SENP7: variants seen among roughly 807,000 people sequenced by gnomAD.
SENP7 encodes the protein SUMO specific peptidase 7.
SENP7 carries 64 observed loss-of-function variants against 141.2 expected under a neutral mutation model. The ratio of observed to expected loss-of-function variants is 0.45; its 90% CI spans 0.37 to 0.56. The LOEUF (loss-of-function observed/expected upper bound fraction) is 0.56. Ranked by LOEUF, SENP7 falls within the 20% of genes least tolerant of loss-of-function variation. The pLI is 0.00. For missense variants in SENP7, 1,025 were observed against 1,212.2 expected, an observed-to-expected ratio of 0.85 and a Z score of 2.29; for synonymous variants, 382 against 426.4, an observed-to-expected ratio of 0.90 and a Z score of 1.28.
At chr3:101,389,320 T>C (rs1220833112) in intron 6 of SENP7, among the ~76,000 whole-genome samples, 3 of 152,102 alleles carry the variant, frequency 2.0e-5, no homozygotes, top group African/African-American at 7.2e-5. Context: ...CTCAAATAGA[T>C]ACAATACAAA....
At chr3:101,453,308 C>T (rs558071460) in intron 4 of SENP7, among the ~76,000 whole-genome samples, 52 of 152,146 alleles carry the variant, frequency 3.4e-4, no homozygotes, top group Non-Finnish European at 3.5e-4. Flanking sequence ...GTCAGTGTGG[C>T]GATTCCTCAG....
At chr3:101,462,221 G>A (rs547949771) in intron 3 of SENP7, among the ~76,000 whole-genome samples, 1 of 152,268 alleles carries the variant, frequency 6.6e-6, no homozygotes, top group South Asian at 2.1e-4. Flanking sequence ...AAAAGCATAT[G>A]ACTAAATCTC....
At chr3:101,413,987 A>G (rs1426656923) in intron 5 of SENP7, among the ~76,000 whole-genome samples, 1 of 152,196 alleles carries the variant, frequency 6.6e-6, no homozygotes, top group Admixed American at 6.5e-5. Context: ...GGCAAGTAAG[A>G]TCTGCCTTTT....
intron 9 of SENP7, 123 bp from the exon 10 acceptor site, chr3:101,365,114 T>C (rs969804176): frequency 1.0e-5 from 5 of 487,426 alleles, no homozygotes; most frequent in Middle Eastern, 5.8e-4. Flanking sequence ...GCAATTCTCC[T>C]ACCTCAGCCT....
intron 7 of SENP7, among the ~76,000 whole-genome samples, chr3:101,371,017 C>T (rs1317969953): frequency 3.9e-5 from 6 of 152,142 alleles, no homozygotes; most frequent in South Asian, 2.1e-4. Context: ...TGGCCAAGCG[C>T]GGTGGCTCTT....
chr3:101,443,978 T>C (rs570078318), intron 4 of SENP7, among the ~76,000 whole-genome samples: 47 of 149,928 alleles, frequency 3.1e-4, no homozygotes, highest in African/African-American at 1.1e-3. Context: ...GAGAAAATTT[T>C]TGCAACCTAC....
At chr3:101,427,490 CA>C (rs55677738) in intron 4 of SENP7, among the ~76,000 whole-genome samples, 7,534 of 100,964 alleles carry the variant, frequency 0.075, 208 homozygotes, top group Middle Eastern at 0.1. Context: ...ACACTGTCTC[CA>C]AAAAAAAAAA....
intron 3 of SENP7, among the ~76,000 whole-genome samples, chr3:101,459,276 T>G (rs2063469842): frequency 6.6e-6 from 1 of 152,194 alleles, no homozygotes; most frequent in African/African-American, 2.4e-5. Flanking sequence ...AAGGTAACTT[T>G]AATCAAAAAA....
intron 19 of SENP7, 42 bp from the exon 20 acceptor site, chr3:101,330,428 G>A (rs749400421): frequency 2.2e-6 from 3 of 1,344,398 alleles, no homozygotes; most frequent in Admixed American, 3.7e-5. Flanking sequence ...TTTATTGCAT[G>A]TTTTTATACA....
intron 4 of SENP7, among the ~76,000 whole-genome samples, chr3:101,456,769 ATATAAG>A (rs1471924463): frequency 2.0e-5 from 3 of 152,170 alleles, no homozygotes; most frequent in African/African-American, 7.2e-5. Context: ...GATTTAAATA[ATATAAG>A]TATTTTTTAA....
At chr3:101,331,255 G>A (rs2059041135) in intron 19 of SENP7, among the ~76,000 whole-genome samples, 1 of 151,952 alleles carries the variant, frequency 6.6e-6, no homozygotes, top group Admixed American at 6.6e-5. Flanking sequence ...TGCGGTGTGA[G>A]GACTGCTTGA....
Position 101,493,904 on chromosome 3 carries a change from C to T in SENP7, c.155G>A (p.Arg52Lys). Residue 52 changes from arginine to lysine, a missense_variant, in exon 3 of 24, where the codon AGA becomes AAA. Physicochemically the swap from Arg to Lys is conservative, Grantham distance 26. Around this residue, in one of 4 missense-constraint regions of SENP7, gnomAD observed 496 missense variants for 503.5 expected, o/e 0.99. Transcript: ENST00000394095. ...VHVQSPLSKFRSSERWTLPLQ... is the reference protein window; with the variant it reads ...VHVQSPLSKFKSSERWTLPLQ... ...AGGGAGAGTCCAGCGTTCTGAGCTT[C>T]TGAATTTGGACAGTGGTGATTGAAC... 2 of 1,609,302 alleles carry T rather than the reference C, an allele frequency of 1.2e-6. No homozygotes were observed. The highest frequency in any genetic ancestry group is 1.7e-6 in the Non-Finnish European group (2 of 1,176,582).
intron 13 of SENP7, among the ~76,000 whole-genome samples, chr3:101,344,490 T>C (rs1361985760): frequency 6.6e-6 from 1 of 152,166 alleles, no homozygotes; most frequent in Non-Finnish European, 1.5e-5. Context: ...ATTTGAAAGT[T>C]ATAAAATTTA....
intron 4 of SENP7, among the ~76,000 whole-genome samples, chr3:101,450,516 T>G (rs1006241071): frequency 1.3e-5 from 2 of 152,208 alleles, no homozygotes; most frequent in African/African-American, 4.8e-5. Context: ...AAACTGTCTC[T>G]CAGACCACAG....
intron 4 of SENP7, among the ~76,000 whole-genome samples, chr3:101,443,881 C>T (rs1215814702): frequency 1.3e-5 from 2 of 150,902 alleles, no homozygotes; most frequent in African/African-American, 4.9e-5. Flanking sequence ...ACAATCATGT[C>T]GTCTGCAAAC....
intron 3 of SENP7, among the ~76,000 whole-genome samples, chr3:101,481,225 A>C (rs1218403151): frequency 6.6e-6 from 1 of 152,202 alleles, no homozygotes; most frequent in Non-Finnish European, 1.5e-5. Flanking sequence ...GCAATGATAT[A>C]GAACCAACCA....
intron 12 of SENP7, 28 bp from the exon 13 acceptor site, chr3:101,348,079 A>C (rs2059516923): frequency 6.7e-7 from 1 of 1,499,762 alleles, no homozygotes; most frequent in Non-Finnish European, 9.0e-7. Flanking sequence ...CAACAATTTA[A>C]AAAATTAATC....
intron 9 of SENP7, among the ~76,000 whole-genome samples, chr3:101,366,081 A>T (rs928060079): frequency 3.9e-5 from 6 of 152,362 alleles, no homozygotes; most frequent in Non-Finnish European, 5.9e-5. Flanking sequence ...AATGAAAATT[A>T]ATGATAATAA....
intron 6 of SENP7, 50 bp downstream of exon 6, chr3:101,398,811 T>C (rs1323019776): frequency 1.6e-6 from 2 of 1,256,768 alleles, no homozygotes; most frequent in Admixed American, 2.2e-5. Context: ...CAGGGAAGGA[T>C]ACATAAAAAT....
Sources: gnomAD v4.1 joint callset for allele counts (sites outside exome capture counted in the v4.1 genomes callset) on GRCh38, gnomAD v4.1.1 for gene constraint, gnomAD v4.1.1 regional missense constraint, MANE v1.5 for transcripts, NCBI Gene and HGNC (gene_info 2026-07-23, HGNC 2026-07-21) for gene names.